Variants in EBF2 observed in about 807,000 individuals in gnomAD.
EBF2 encodes the protein transcription factor COE2.
A neutral mutation model predicts 72.8 loss-of-function variants in EBF2; 21 were observed. The ratio of observed to expected loss-of-function variants is 0.29; its 90% CI spans 0.20 to 0.42. EBF2 has a LOEUF of 0.42. Ranked by LOEUF, EBF2 falls within the 10% of genes least tolerant of loss-of-function variation. The probability of loss-of-function intolerance (pLI) is 1.00; values close to 1 mark genes in which losing one functional copy is unlikely to be tolerated. For missense variants in EBF2, 637 were observed against 731.2 expected (o/e 0.87, Z 1.49); for synonymous variants, 299 against 274.2 (o/e 1.09, Z -0.89).
intron 6 of EBF2, among the ~76,000 whole-genome samples, chr8:25,926,594 G>T (rs1402530152): frequency 2.0e-5 from 3 of 151,984 alleles, no homozygotes; most frequent in Non-Finnish European, 4.4e-5. Flanking sequence ...ATTTAGTCCA[G>T]AAAGTCTGCA....
intron 10 of EBF2, 129 bp downstream of exon 10, chr8:25,886,626 C>G: frequency 8.9e-7 from 1 of 1,125,072 alleles, no homozygotes; most frequent in Non-Finnish European, 1.2e-6. Context: ...ACATCTATCA[C>G]TCAGCTCACT....
At chr8:25,847,794 T>C (rs1278524512) in intron 15 of EBF2, among the ~76,000 whole-genome samples, 1 of 152,182 alleles carries the variant, frequency 6.6e-6, no homozygotes, top group African/African-American at 2.4e-5. Flanking sequence ...CGTCACTTGA[T>C]ATTTTCATAG....
intron 6 of EBF2, among the ~76,000 whole-genome samples, chr8:26,028,104 C>A (rs117874545): frequency 6.6e-6 from 1 of 152,018 alleles, no homozygotes; most frequent in Non-Finnish European, 1.5e-5. Flanking sequence ...CTTAAAATGG[C>A]TAAGATGGTA....
chr8:25,951,195 C>T (rs1392067618), intron 6 of EBF2, among the ~76,000 whole-genome samples: 2 of 152,162 alleles, frequency 1.3e-5, no homozygotes, highest in Non-Finnish European at 2.9e-5. Context: ...AAATGACACA[C>T]AACCTCATTT....
intron 6 of EBF2, among the ~76,000 whole-genome samples, chr8:25,996,351 A>T (rs1052099052): frequency 4.6e-5 from 7 of 151,944 alleles, no homozygotes; most frequent in African/African-American, 1.7e-4. Context: ...CATTAATGAA[A>T]TTTTTTCCAG....
chr8:25,886,114 C>G (rs1802686303), intron 10 of EBF2, among the ~76,000 whole-genome samples: 1 of 152,198 alleles, frequency 6.6e-6, no homozygotes, highest in Non-Finnish European at 1.5e-5. Context: ...TTACTCTTGT[C>G]CACACTAAGC....
chr8:25,977,230 A>G (rs1804283200), intron 6 of EBF2, among the ~76,000 whole-genome samples: 1 of 152,126 alleles, frequency 6.6e-6, no homozygotes, highest in African/African-American at 2.4e-5. Flanking sequence ...GGGGTTTCAG[A>G]GCTGTCCCCT....
intron 13 of EBF2, among the ~76,000 whole-genome samples, chr8:25,860,380 A>G (rs1428795103): frequency 1.3e-5 from 2 of 152,164 alleles, no homozygotes; most frequent in East Asian, 1.9e-4. Context: ...TCTTTCCAGT[A>G]TTCAATCTGA....
chr8:26,005,267 TAA>T (rs1491582358), intron 6 of EBF2, among the ~76,000 whole-genome samples: 420 of 7,528 alleles, frequency 0.056, 43 homozygotes, highest in African/African-American at 0.16. Flanking sequence ...ATATAATATA[TAA>T]TATATATAAT....
intron 10 of EBF2, among the ~76,000 whole-genome samples, chr8:25,874,508 A>T (rs1802488982): frequency 6.6e-6 from 1 of 152,124 alleles, no homozygotes; most frequent in Non-Finnish European, 1.5e-5. Context: ...GTGCATCTCA[A>T]CTAGCAGGTT....
At chr8:25,997,412 A>T (rs1804651117) in intron 6 of EBF2, among the ~76,000 whole-genome samples, 1 of 152,062 alleles carries the variant, frequency 6.6e-6, no homozygotes, top group South Asian at 2.1e-4. Flanking sequence ...CTCTATAAAC[A>T]ATACAAAAAT....
At chr8:26,010,497 C>T (rs1033972790) in intron 6 of EBF2, among the ~76,000 whole-genome samples, 1 of 152,176 alleles carries the variant, frequency 6.6e-6, no homozygotes, top group East Asian at 1.9e-4. Flanking sequence ...CAGAGCTCTC[C>T]GTTGAACAAA....
intron 10 of EBF2, among the ~76,000 whole-genome samples, chr8:25,881,760 C>G (rs572703363): frequency 6.6e-6 from 1 of 152,186 alleles, no homozygotes; most frequent in Non-Finnish European, 1.5e-5. Flanking sequence ...TATAAAAACC[C>G]CGAGACCCTG....
At position 25,858,665 on chromosome 8, in the gene EBF2, T is replaced by TTTTTTC. The variant is rs1554561074; in HGVS notation, c.1343-162_1343-161insGAAAAA. ...TCCATCTTTAGCTTTTTTTTTTTTT[T>TTTTTTC]TTTTTTTTTTTTGAGATAGAGTCTT... On this transcript the variant is annotated intron_variant, in intron 13 of 15. Coordinates refer to ENST00000520164, the MANE Select transcript of EBF2 (RefSeq NM_022659.4). Among the ~76,000 whole-genome samples the TTTTTTC allele has an allele frequency of 5.0e-3, 723 of 143,862 alleles. 12 individuals carry two copies. Among genetic ancestry groups the TTTTTTC allele is most frequent in the African/African-American group, 0.018 (680 of 37,720 alleles). 94.4% of individuals were successfully genotyped at this position (143,862 alleles called of 152,430 possible).
At chr8:26,009,224 T>C (rs1326455958) in intron 6 of EBF2, among the ~76,000 whole-genome samples, 2 of 151,870 alleles carry the variant, frequency 1.3e-5, no homozygotes, top group African/African-American at 4.8e-5. Flanking sequence ...TCACAATGGC[T>C]GAACATACTT....
chr8:25,925,766 G>A (rs1018563506), intron 6 of EBF2, among the ~76,000 whole-genome samples: 1 of 152,088 alleles, frequency 6.6e-6, no homozygotes, highest in African/African-American at 2.4e-5. Context: ...ATGGGCTGTG[G>A]GGCCTCAAAT....
chr8:25,880,471 A>G (rs577804265), intron 10 of EBF2, among the ~76,000 whole-genome samples: 7 of 152,170 alleles, frequency 4.6e-5, no homozygotes, highest in Non-Finnish European at 1.0e-4. Context: ...GGCCCAACAC[A>G]TTTGTTAAGC....
At chr8:26,023,622 T>G (rs1805238271) in intron 6 of EBF2, among the ~76,000 whole-genome samples, 1 of 152,200 alleles carries the variant, frequency 6.6e-6, no homozygotes, top group Non-Finnish European at 1.5e-5. Flanking sequence ...CCTGAGTTTC[T>G]GCTTTCTCAC....
Position 25,893,285 on chromosome 8 carries a change from T to G in EBF2, c.634-3416A>C, listed in dbSNP as rs536991712. On this transcript the variant is annotated intron_variant, in intron 7 of 15. Coordinates refer to ENST00000520164, the MANE Select transcript of EBF2 (RefSeq NM_022659.4). ...TTAATTCTTCCATTTTTTTTTTTTT[T>G]TTTTTTTTTTTTTTGAGACAGCGTC... Among the ~76,000 whole-genome samples the G allele has an allele frequency of 1.3e-3, 193 of 144,882 alleles. 1 individual carries two copies. Among genetic ancestry groups the G allele is most frequent in the African/African-American group, 4.9e-3 (186 of 38,314 alleles).
Sources: allele counts gnomAD v4.1 joint callset (sites outside exome capture counted in the v4.1 genomes callset), GRCh38; gene constraint gnomAD v4.1.1; transcripts MANE v1.5; gene names NCBI Gene and HGNC (gene_info 2026-07-23, HGNC 2026-07-21).